Variants in EPHB2 observed in about 807,000 individuals in gnomAD.
EPHB2 encodes ephrin type-B receptor 2.
A neutral mutation model predicts 96.4 loss-of-function variants in EPHB2; 18 were observed. That is an observed-to-expected ratio of 0.19 (90% CI 0.13 to 0.28). The LOEUF (loss-of-function observed/expected upper bound fraction) is 0.28, where lower values mean the gene tolerates loss of function less well. Ranked by LOEUF, EPHB2 falls within the 10% of genes least tolerant of loss-of-function variation. The probability of loss-of-function intolerance (pLI) is 1.00; values close to 1 mark genes in which losing one functional copy is unlikely to be tolerated. For missense variants in EPHB2, 989 were observed against 1,355.4 expected, an observed-to-expected ratio of 0.73 and a Z score of 4.25; for synonymous variants, 506 against 534.1, an observed-to-expected ratio of 0.95 and a Z score of 0.72.
intron 7 of EPHB2, among the ~76,000 whole-genome samples, chr1:22,893,257 C>T (rs79929556): frequency 0.039 from 5,987 of 152,294 alleles, 390 homozygotes; most frequent in African/African-American, 0.14. Context: ...CAGGCCACTT[C>T]CTTTCCCAGG....
At chr1:22,830,094 T>C (rs1252776947) in intron 3 of EPHB2, among the ~76,000 whole-genome samples, 1 of 152,210 alleles carries the variant, frequency 6.6e-6, no homozygotes, top group Non-Finnish European at 1.5e-5. Flanking sequence ...TTGCTTTTCC[T>C]TCCTTTAGAA....
rs1385864972 is a variant in EPHB2 at position 22,857,180 on chromosome 1, G to A, written c.812-5857G>A. Among the ~76,000 whole-genome samples the A allele has an allele frequency of 2.0e-5, 3 of 152,292 alleles. No homozygotes were observed. In the East Asian group the frequency reaches 5.8e-4, roughly 29 times the overall value. On this transcript the variant is annotated intron_variant, in intron 3 of 15. Transcript: ENST00000374630. Reference sequence around the variant, plus strand: ...ATTCTTTCCCAAGTCAGGGTTTAATGATCTCAAGTTGGTACCTTGGCATTT... The same window carrying A: ...ATTCTTTCCCAAGTCAGGGTTTAATAATCTCAAGTTGGTACCTTGGCATTT...
chr1:22,897,873 G>A (rs935800771), intron 9 of EPHB2, among the ~76,000 whole-genome samples: 6 of 152,190 alleles, frequency 3.9e-5, no homozygotes, highest in South Asian at 2.1e-4. Flanking sequence ...GCCAAGGCAG[G>A]TGGATCACTT....
chr1:22,801,169 T>C (rs929007143), intron 3 of EPHB2, among the ~76,000 whole-genome samples: 2 of 151,980 alleles, frequency 1.3e-5, no homozygotes, highest in Non-Finnish European at 2.9e-5. Flanking sequence ...AGGCACAGGG[T>C]GGTGGTGAAG....
chr1:22,854,279 G>A (rs1204020332), intron 3 of EPHB2, among the ~76,000 whole-genome samples: 1 of 152,142 alleles, frequency 6.6e-6, no homozygotes, highest in African/African-American at 2.4e-5. Context: ...GGGAGGTCAG[G>A]GTAGGAGGAT....
At chr1:22,912,635 A>G in intron 15 of EPHB2, 36 bp downstream of exon 15, 1 of 1,608,118 alleles carries the variant, frequency 6.2e-7, no homozygotes, top group Non-Finnish European at 8.5e-7. Flanking sequence ...TCACCTTAGC[A>G]CCCCCTCTCC....
At chr1:22,804,390 A>G (rs1298053429) in intron 3 of EPHB2, among the ~76,000 whole-genome samples, 2 of 152,162 alleles carry the variant, frequency 1.3e-5, no homozygotes, top group African/African-American at 4.8e-5. Flanking sequence ...CGAAGGCTGT[A>G]TTAAATATGA....
chr1:22,722,948 C>T lies in EPHB2; in HGVS notation c.61+11905C>T, dbSNP rs561414668. Among the ~76,000 whole-genome samples, 5 of 152,282 alleles carry T rather than the reference C, an allele frequency of 3.3e-5. No individual in the cohort carries two copies. In the East Asian group the frequency reaches 7.7e-4, roughly 24 times the overall value. ...AACAGGAACAGCATCTGCAAAGATC[C>T]GGATAGGAGGCCCGTGAGTGTGTGA... On this transcript the variant is annotated intron_variant, in intron 1 of 15. Coordinates refer to ENST00000374630, the MANE Select transcript of EPHB2 (RefSeq NM_017449.5).
chr1:22,731,988 C>T (rs1167097925), intron 1 of EPHB2, among the ~76,000 whole-genome samples: 4 of 152,240 alleles, frequency 2.6e-5, no homozygotes, highest in African/African-American at 9.6e-5. Context: ...TCTCTTGGGT[C>T]TCAGGACTTG....
chr1:22,784,464 T>G lies in EPHB2; in HGVS notation c.199T>G (p.Ser67Ala), dbSNP rs1466492153. 1.2e-6 allele frequency: 2 copies of G among 1,613,846 alleles called. No individual in the cohort carries two copies. Among genetic ancestry groups the G allele is most frequent in the Non-Finnish European group, 1.7e-6 (2 of 1,180,008 alleles). Residue 67 changes from serine (S) to alanine (A), a missense_variant, in exon 3 of 16, where the codon TCA (serine) becomes GCA (alanine). Transcript: ENST00000374630. This position sits in a 1 kb window ranked among gnomAD's most constrained non-coding sequence, Gnocchi z 5.1. ...GTACCAGGTGTGCAACGTGTTTGAG[T>G]CAAGCCAGAACAACTGGCTACGGAC... ...RTYQVCNVFE[S>A]SQNNWLRTKF...
At chr1:22,850,683 G>C (rs1481889815) in intron 3 of EPHB2, among the ~76,000 whole-genome samples, 3 of 152,244 alleles carry the variant, frequency 2.0e-5, no homozygotes, top group Non-Finnish European at 4.4e-5. Flanking sequence ...CAGCTGGGGA[G>C]AAGGGGATAC....
chr1:22,847,104 T>A (rs1645554822), intron 3 of EPHB2, among the ~76,000 whole-genome samples: 1 of 152,210 alleles, frequency 6.6e-6, no homozygotes, highest in Non-Finnish European at 1.5e-5. Flanking sequence ...CATCACCTCT[T>A]CTAGATGTGG....
chr1:22,809,633 C>T (rs989255747), intron 3 of EPHB2, among the ~76,000 whole-genome samples: 5 of 152,194 alleles, frequency 3.3e-5, no homozygotes, highest in East Asian at 3.9e-4. Context: ...GGTTAGGAGG[C>T]ATCTGCCAGG....
chr1:22,869,451 A>G (rs1448589906), intron 5 of EPHB2, among the ~76,000 whole-genome samples: 2 of 151,912 alleles, frequency 1.3e-5, no homozygotes, highest in Non-Finnish European at 2.9e-5. Flanking sequence ...GAGATGAGGG[A>G]GATCACAGGC....
chr1:22,885,267 G>A (rs1639187799), intron 6 of EPHB2, among the ~76,000 whole-genome samples: 1 of 152,204 alleles, frequency 6.6e-6, no homozygotes, highest in African/African-American at 2.4e-5. Context: ...AAATGAAACT[G>A]AAAGTGTTAG....
At chr1:22,796,574 A>C (rs1257890580) in intron 3 of EPHB2, among the ~76,000 whole-genome samples, 1 of 152,118 alleles carries the variant, frequency 6.6e-6, no homozygotes, top group African/African-American at 2.4e-5. Context: ...CCCATCCCCC[A>C]AACAAAGGGG....
intron 6 of EPHB2, among the ~76,000 whole-genome samples, chr1:22,886,643 T>TTC (rs1639233601): frequency 7.0e-6 from 1 of 142,896 alleles, no homozygotes; most frequent in Non-Finnish European, 1.5e-5. Context: ...TTTTTTTTTT[T>TTC]GAGACAGAGT....
intron 3 of EPHB2, among the ~76,000 whole-genome samples, chr1:22,809,600 A>G (rs556587786): frequency 6.6e-6 from 1 of 152,274 alleles, no homozygotes; most frequent in East Asian, 1.9e-4. Flanking sequence ...CATTTTACAG[A>G]TGAGGAAACT....
intron 3 of EPHB2, among the ~76,000 whole-genome samples, chr1:22,803,918 GA>G (rs10711518): frequency 0.91 from 135,744 of 148,926 alleles, 63,039 homozygotes; most frequent in East Asian, 1. Flanking sequence ...TGTCTCAAGA[GA>G]AAAAAAAAAA....
Sources: gnomAD v4.1 joint callset for allele counts (sites outside exome capture counted in the v4.1 genomes callset) on GRCh38, gnomAD v4.1.1 for gene constraint, Gnocchi (gnomAD v3.1) non-coding constraint, MANE v1.5 for transcripts, NCBI Gene and HGNC (gene_info 2026-07-23, HGNC 2026-07-21) for gene names.